The following EPN1 variants were observed in gnomAD, a reference collection of about 807,000 sequenced individuals.
EPN1 encodes epsin 1.
EPN1 carries 25 observed loss-of-function variants against 56.9 expected under a neutral mutation model. The observed-to-expected ratio is 0.44, with a 90% confidence interval of 0.32 to 0.61. EPN1 has a LOEUF of 0.61. Ranked by LOEUF, EPN1 falls within the 20% of genes least tolerant of loss-of-function variation. The probability of loss-of-function intolerance (pLI) is 0.05; values close to 1 mark genes in which losing one functional copy is unlikely to be tolerated. For synonymous variants in EPN1, 411 were observed against 361.8 expected (o/e 1.14, Z -1.54); for missense variants, 785 against 823.7 (o/e 0.95, Z 0.58).
At chr19:55,690,451 A>G (rs10410802) in intron 6 of EPN1, among the ~76,000 whole-genome samples, 27,264 of 152,182 alleles carry the variant, frequency 0.18, 3,775 homozygotes, top group African/African-American at 0.38. Flanking sequence ...ACCCTCCCAC[A>G]ACCTTGTGCT....
chr19:55,687,738 C>T (rs1034112910), intron 3 of EPN1, among the ~76,000 whole-genome samples: 7 of 152,186 alleles, frequency 4.6e-5, no homozygotes, highest in Non-Finnish European at 7.4e-5. Context: ...CTGGTTCTCT[C>T]GTCCTTTCCT....
intron 2 of EPN1, among the ~76,000 whole-genome samples, chr19:55,682,916 C>T (rs1318061339): frequency 6.6e-6 from 1 of 152,010 alleles, no homozygotes; most frequent in Non-Finnish European, 1.5e-5. Context: ...GCCACCACGC[C>T]TGGCTAATTT....
chr19:55,692,599 C>T, intron 7 of EPN1, 87 bp from the exon 8 acceptor site: 4 of 875,274 alleles, frequency 4.6e-6, no homozygotes, highest in Non-Finnish European at 5.1e-6. Flanking sequence ...TTTGTGTGAA[C>T]AGCCACAGAT....
chr19:55,691,749 C>T lies in EPN1; in HGVS notation c.763-5C>T, dbSNP rs1207879606. The T allele has an allele frequency of 3.1e-6, 5 of 1,609,718 alleles. No individual in the cohort carries two copies. In the African/African-American group the frequency reaches 4.0e-5, roughly 13 times the overall value. On this transcript the variant is annotated splice_polypyrimidine_tract_variant and splice_region_variant and intron_variant, in intron 6 of 10. Coordinates refer to ENST00000270460, the MANE Select transcript of EPN1 (RefSeq NM_001130072.2). This position sits in a 1 kb window ranked among gnomAD's most constrained non-coding sequence, Gnocchi z 5.6. The stretch of plus-strand genomic sequence containing the variant: ...CATGCTCCTTCTCTTCTCTCTCCCC[C>T]ACAGTCGTCCCTCATGGACCTTGCT...
chr19:55,688,448 TCCCTGCCAGAGCTACCATTCTCAA>T (rs1986309622), intron 3 of EPN1, among the ~76,000 whole-genome samples: 1 of 152,018 alleles, frequency 6.6e-6, no homozygotes, highest in Non-Finnish European at 1.5e-5. Flanking sequence ...TTCCAGTTGT[TCCCTGCCAGAGCTACCATTCTCAA>T]CAAGCCCTGG....
At chr19:55,679,000 G>C (rs1985624558) in intron 2 of EPN1, 145 bp downstream of exon 2, 1 of 635,792 alleles carries the variant, frequency 1.6e-6, no homozygotes, top group Admixed American at 3.0e-5. Context: ...GTTTAATGAA[G>C]GCAACGAATA....
Position 55,692,755 on chromosome 19 carries a change from G to A in EPN1, c.1136G>A (p.Trp379Ter). The A allele has an allele frequency of 2.5e-6, 4 of 1,587,704 alleles. No individual in the cohort carries two copies. The highest frequency in any genetic ancestry group is 3.4e-6 in the Non-Finnish European group (4 of 1,167,466). Reference protein sequence around the residue: ...WTPAPAFSDPWGGSPAKPSTN... With the variant: ...WTPAPAFSDP ...CCGGCCCCGGCCTTCTCAGATCCCT[G>A]GGGAGGGTCACCTGCCAAGCCCAGC... The change falls in exon 8 of 11, where the codon TGG (tryptophan) becomes TAG (stop). Residue 379 changes from tryptophan (W) to a stop codon, truncating the protein, a stop_gained. Coordinates refer to ENST00000270460, the MANE Select transcript of EPN1 (RefSeq NM_001130072.2). LOFTEE classifies it high-confidence loss of function.
rs1986552578 is a variant in EPN1, at chr19:55,691,654, C to G, written c.763-100C>G. The G allele has an allele frequency of 9.5e-7, 1 of 1,052,984 alleles. No homozygotes were observed. The highest frequency in any genetic ancestry group is 1.9e-5 in the Admixed American group (1 of 51,436). The allele number at this position is 1,052,984 out of a possible 1,614,324, so 65.2% of individuals were successfully genotyped here. On this transcript the variant is annotated intron_variant, in intron 6 of 10. Transcript: ENST00000270460. This position sits in a 1 kb window ranked among gnomAD's most constrained non-coding sequence, Gnocchi z 5.6. The stretch of plus-strand genomic sequence containing the variant: ...TTATGGATGGCTGCTGTCTGGACAC[C>G]CAGGGCCTGGCCGCCTCCCCCGCCA...
intron 7 of EPN1, 24 bp from the exon 8 acceptor site, chr19:55,692,662 T>A: frequency 6.8e-7 from 1 of 1,466,578 alleles, no homozygotes; most frequent in Non-Finnish European, 9.1e-7. Context: ...TGCCAGCCCC[T>A]CATGCTCTTC....
chr19:55,683,410 G>A (rs890109785), intron 2 of EPN1, among the ~76,000 whole-genome samples: 2 of 152,118 alleles, frequency 1.3e-5, no homozygotes, highest in East Asian at 3.9e-4. Flanking sequence ...GGAGTACAGT[G>A]GCGTGCTCTT....
rs1216950748 is a variant in EPN1 at position 55,692,938 on chromosome 19, C to G, written c.1178-13C>G. ...CCCAGGGAGGGGCTGAGCAGAACAT[C>G]CTGACCCCACAGCAGCCGGGGGATT... On this transcript the variant is annotated splice_polypyrimidine_tract_variant and intron_variant, in intron 8 of 10. Transcript: ENST00000270460. 5 of 1,613,028 alleles carry G rather than the reference C, an allele frequency of 3.1e-6. No homozygotes were observed. The highest frequency in any genetic ancestry group is 4.2e-6 in the Non-Finnish European group (5 of 1,179,596).
chr19:55,693,089 C>G, intron 9 of EPN1, 52 bp downstream of exon 9: 1 of 1,551,786 alleles, frequency 6.4e-7, no homozygotes, highest in Non-Finnish European at 8.9e-7. Flanking sequence ...TCCCCTAGCT[C>G]TTCGGGAGCC....
In EPN1 at chr19:55,678,717, T is replaced by C; in HGVS notation, c.90T>C (p.Asn30=). 6.2e-7 allele frequency: 1 copy of C among 1,614,204 alleles called. No homozygotes were observed. Among genetic ancestry groups the C allele is most frequent in the Non-Finnish European group, 8.5e-7 (1 of 1,180,018 alleles). The change falls in exon 2 of 11, where the codon AAT becomes AAC. Residue 30 remains asparagine, a synonymous_variant. Transcript: ENST00000270460. ...TCAAGGTTCGAGAGGCCACGAGCAA[T>C]GACCCCTGGGGCCCATCCAGCTCCC... ...AEIKVREATS[N]DPWGPSSSLM...
rs1175445218 is a variant in EPN1 at position 55,704,635 on chromosome 19, T to TG, written c.*9280dup. The TG allele has an allele frequency of 1.3e-5, 2 of 152,354 alleles. No individual in the cohort carries two copies. Among genetic ancestry groups the TG allele is most frequent in the Admixed American group, 6.5e-5 (1 of 15,294 alleles). The allele number at this position is 152,354 out of a possible 1,614,324, so 9.4% of individuals were successfully genotyped here. On this transcript the variant is annotated 3_prime_UTR_variant, in exon 11 of 11. Transcript: ENST00000270460. ...CTAACATGAATGCAGCCATCCACAC[T>TG]GTCTGGGGGAAGGCACACACACCCC...
chr19:55,691,798 T>C lies in EPN1; in HGVS notation c.807T>C (p.Pro269=). Reference sequence around the variant, plus strand: ...CTGACGTCTTCACGGCCCCAGCTCCTGCCCCGACCACAGACCCCTGGGGGG... The same window carrying C: ...CTGACGTCTTCACGGCCCCAGCTCCCGCCCCGACCACAGACCCCTGGGGGG... ...DLADVFTAPA[P]APTTDPWGGP... Residue 269 remains proline (P), a synonymous_variant, in exon 7 of 11, where the codon CCT becomes CCC. Transcript: ENST00000270460. The surrounding 1 kb of genome is among the most constrained non-coding windows in gnomAD (Gnocchi z 5.6). 1 of 1,612,636 alleles carries C rather than the reference T, an allele frequency of 6.2e-7. No individual in the cohort carries two copies. The highest frequency in any genetic ancestry group is 8.5e-7 in the Non-Finnish European group (1 of 1,179,306).
chr19:55,696,769 C>T lies in EPN1; in HGVS notation c.*1413C>T, dbSNP rs567071217. ...GTCGTGGCCACCCTGTGTGCCCACT[C>T]CCTGGTGGACAGACCTACGTCACCT... is the stretch of plus-strand genomic sequence containing the variant. On this transcript the variant is annotated 3_prime_UTR_variant, in exon 11 of 11. Transcript: ENST00000270460. The T allele has an allele frequency of 4.6e-5, 7 of 152,436 alleles. No homozygotes were observed. In the East Asian group the frequency reaches 1.3e-3, roughly 29 times the overall value. The allele number at this position is 152,436 out of a possible 1,614,324, so 9.4% of individuals were successfully genotyped here. A position where few individuals can be genotyped will look rare whatever the true frequency, so the allele number is the denominator to read the frequency against.
intron 2 of EPN1, among the ~76,000 whole-genome samples, chr19:55,684,621 G>A (rs966988187): frequency 6.6e-6 from 1 of 152,160 alleles, no homozygotes. Context: ...AGAGAGCCCG[G>A]GCCTACACAG....
At chr19:55,678,457 T>C (rs1985582468) in intron 1 of EPN1, 70 bp from the exon 2 acceptor site, 2 of 1,423,730 alleles carry the variant, frequency 1.4e-6, no homozygotes, top group Non-Finnish European at 1.9e-6. Flanking sequence ...TAGGAACTCA[T>C]CTTTGACCCT....
At chr19:55,690,937 C>G (rs1030579225) in intron 6 of EPN1, among the ~76,000 whole-genome samples, 4 of 151,998 alleles carry the variant, frequency 2.6e-5, no homozygotes, top group African/African-American at 9.7e-5. Flanking sequence ...GGGGGAGCAC[C>G]AGATCTCACC....
Sources: allele counts gnomAD v4.1 joint callset (sites outside exome capture counted in the v4.1 genomes callset), GRCh38; gene constraint gnomAD v4.1.1; non-coding constraint Gnocchi (gnomAD v3.1); transcripts MANE v1.5; gene names NCBI Gene and HGNC (gene_info 2026-07-23, HGNC 2026-07-21).